DOCK5: variants seen among roughly 807,000 people sequenced by gnomAD.
DOCK5 encodes dedicator of cytokinesis 5.
DOCK5 carries 142 observed loss-of-function variants against 251.8 expected under a neutral mutation model. The ratio of observed to expected loss-of-function variants is 0.56; its 90% CI spans 0.49 to 0.65. The LOEUF (loss-of-function observed/expected upper bound fraction) is 0.65. Ranked by LOEUF, DOCK5 falls within the 30% of genes least tolerant of loss-of-function variation. The probability of loss-of-function intolerance (pLI) is 0.00; values close to 1 mark genes in which losing one functional copy is unlikely to be tolerated. For missense variants in DOCK5, 2,111 were observed against 2,312.3 expected (o/e 0.91, Z 1.79); for synonymous variants, 842 against 835.5 (o/e 1.01, Z -0.13).
At chr8:25,250,672 T>A (rs1803243453) in intron 2 of DOCK5, among the ~76,000 whole-genome samples, 1 of 152,204 alleles carries the variant, frequency 6.6e-6, no homozygotes, top group African/African-American at 2.4e-5. Flanking sequence ...AGTGACAAAA[T>A]GCAAGTTCCT....
At chr8:25,190,472 T>G (rs1296369794) in intron 1 of DOCK5, among the ~76,000 whole-genome samples, 1 of 152,218 alleles carries the variant, frequency 6.6e-6, no homozygotes, top group African/African-American at 2.4e-5. Flanking sequence ...TAAAAATCCC[T>G]GTTTTATTGG....
intron 49 of DOCK5, 96 bp downstream of exon 49, chr8:25,408,250 G>C (rs576745878): frequency 2.4e-5 from 32 of 1,358,150 alleles, no homozygotes; most frequent in Non-Finnish European, 3.1e-5. Context: ...ATTGAAGCTG[G>C]GCTATGGCTT....
At chr8:25,220,885 C>T (rs527862157) in intron 1 of DOCK5, among the ~76,000 whole-genome samples, 6 of 152,070 alleles carry the variant, frequency 3.9e-5, no homozygotes, top group African/African-American at 7.2e-5. Flanking sequence ...ATTACAGGCA[C>T]GAGCCACTGC....
intron 28 of DOCK5, among the ~76,000 whole-genome samples, chr8:25,362,469 T>C (rs1025850525): frequency 7.5e-5 from 8 of 106,558 alleles, no homozygotes; most frequent in Non-Finnish European, 1.1e-4. Context: ...TTTCTTTTTT[T>C]TTTTTTTTTT....
intron 1 of DOCK5, among the ~76,000 whole-genome samples, chr8:25,239,038 G>A (rs1171822974): frequency 6.6e-6 from 1 of 152,180 alleles, no homozygotes; most frequent in Non-Finnish European, 1.5e-5. Flanking sequence ...GATCCACGCA[G>A]GTAATCGGGA....
intron 44 of DOCK5, among the ~76,000 whole-genome samples, chr8:25,394,412 G>C (rs17053574): frequency 0.062 from 9,413 of 151,348 alleles, 365 homozygotes; most frequent in South Asian, 0.1. Context: ...CTCTGAATCT[G>C]TACTGTGTCT....
chr8:25,321,938 C>T (rs1463898232), intron 16 of DOCK5, among the ~76,000 whole-genome samples: 1 of 152,208 alleles, frequency 6.6e-6, no homozygotes, highest in Admixed American at 6.5e-5. Context: ...TCTTTATTCA[C>T]TTGTCTCCCC....
At chr8:25,241,507 T>G (rs977392495) in intron 1 of DOCK5, among the ~76,000 whole-genome samples, 4 of 150,626 alleles carry the variant, frequency 2.7e-5, no homozygotes, top group African/African-American at 9.7e-5. Context: ...AAACAACAGA[T>G]GCTGGAGAGG....
At chr8:25,391,196 CCT>C (rs1491111294) in intron 42 of DOCK5, among the ~76,000 whole-genome samples, 3 of 129,504 alleles carry the variant, frequency 2.3e-5, no homozygotes, top group African/African-American at 8.9e-5. Context: ...CACCACCACA[CCT>C]GTGTGTGTGT....
chr8:25,299,241 A>G, intron 8 of DOCK5, 140 bp downstream of exon 8: 2 of 984,906 alleles, frequency 2.0e-6, no homozygotes, highest in Non-Finnish European at 2.9e-6. Context: ...TAGAATGTAA[A>G]ATCATATGGT....
rs568651449 is a variant in DOCK5 at position 25,289,586 on chromosome 8, T to A, written c.322-2438T>A. ...GGCTGGGCGTGGTGGCTCACGCCTA[T>A]AATCCCAGCACTTTGGGAGACTGAG... On this transcript the variant is annotated intron_variant, in intron 5 of 51. Transcript: ENST00000276440. 3.9e-5 allele frequency among the ~76,000 whole-genome samples: 6 copies of A among 152,050 alleles called. No individual in the cohort carries two copies. The South Asian group carries it at 1.3e-3, about 32-fold the overall frequency.
chr8:25,384,450 T>TATTC (rs1586383386), intron 40 of DOCK5, among the ~76,000 whole-genome samples: 1 of 26,450 alleles, frequency 3.8e-5, no homozygotes, highest in East Asian at 1.7e-3. Flanking sequence ...TTTATTTATT[T>TATTC]ATTTATTTAT....
At chr8:25,221,411 C>G (rs1802384660) in intron 1 of DOCK5, among the ~76,000 whole-genome samples, 1 of 152,174 alleles carries the variant, frequency 6.6e-6, no homozygotes. Flanking sequence ...TGGGTTCAAG[C>G]AATTCTCCTG....
chr8:25,205,212 GA>G (rs1801971295), intron 1 of DOCK5, among the ~76,000 whole-genome samples: 1 of 151,788 alleles, frequency 6.6e-6, no homozygotes, highest in South Asian at 2.1e-4. Context: ...CTTTTATGTG[GA>G]GAGCGCTCTC....
intron 2 of DOCK5, among the ~76,000 whole-genome samples, chr8:25,247,829 T>C (rs1447783989): frequency 6.6e-6 from 1 of 152,200 alleles, no homozygotes; most frequent in Non-Finnish European, 1.5e-5. Flanking sequence ...CACTACGATA[T>C]GCTTGTAGGA....
chr8:25,352,177 C>T (rs1249288627), intron 27 of DOCK5, among the ~76,000 whole-genome samples: 3 of 133,182 alleles, frequency 2.3e-5, no homozygotes, highest in Admixed American at 8.5e-5. Flanking sequence ...TGCACCATTG[C>T]ATCCTAGCCT....
At chr8:25,295,746 C>T (rs959346842) in intron 6 of DOCK5, among the ~76,000 whole-genome samples, 15 of 152,288 alleles carry the variant, frequency 9.8e-5, no homozygotes, top group African/African-American at 3.4e-4. Context: ...ACATTTACCT[C>T]CACCCTACCT....
rs1281221674 is a variant in DOCK5 at position 25,292,143 on chromosome 8, A to G, written c.441A>G (p.Lys147=). The G allele has an allele frequency of 1.3e-6, 2 of 1,582,654 alleles. No individual in the cohort carries two copies. The highest frequency in any genetic ancestry group is 1.8e-5 in the Admixed American group (1 of 54,580). The change falls in exon 6 of 52, where the codon AAA becomes AAG. Residue 147 remains lysine (K), a synonymous_variant. Coordinates refer to ENST00000276440, the MANE Select transcript of DOCK5 (RefSeq NM_024940.8). ...PKDELAELKK[K]VTAKIDHGNR... is the part of the protein sequence containing the mutation. ...ATGAACTGGCAGAGCTCAAGAAGAA[A>G]GTCACAGCCAAAATTGATCATGGGA...
chr8:25,410,025 A>G, intron 50 of DOCK5, 74 bp from the exon 51 acceptor site: 3 of 1,263,272 alleles, frequency 2.4e-6, no homozygotes, highest in East Asian at 2.5e-5. Context: ...TAGGTGTTAC[A>G]GTGCCAGCAA....
Sources: gnomAD v4.1 joint callset for allele counts (sites outside exome capture counted in the v4.1 genomes callset) on GRCh38, gnomAD v4.1.1 for gene constraint, MANE v1.5 for transcripts, NCBI Gene and HGNC (gene_info 2026-07-23, HGNC 2026-07-21) for gene names.